Variants in XKR9 observed in about 807,000 individuals in gnomAD.
XKR9 encodes XK-related protein 9.
Under a neutral mutation model 32.0 loss-of-function variants are expected in XKR9, and 32 were observed. The observed-to-expected ratio is 1.00, with a 90% CI of 0.76 to 1.34. XKR9 has a LOEUF of 1.34. XKR9 is among the 40% of genes most tolerant of loss of function. XKR9 has a pLI of 0.00. For synonymous variants in XKR9, 168 were observed against 143.4 expected (o/e 1.17, Z -1.22); for missense variants, 546 against 429.7 (o/e 1.27, Z -2.39).
At chr8:70,910,447 A>G in the XKR9 span, among the ~76,000 whole-genome samples, 2 of 152,188 alleles carry the variant, frequency 1.3e-5, no homozygotes, top group Non-Finnish European at 2.9e-5. Flanking sequence ...AGATTCAATT[A>G]GGTTTTTAAG....
intron 2 of XKR9, among the ~76,000 whole-genome samples, chr8:70,778,680 A>G (rs983975348): frequency 6.6e-6 from 1 of 152,034 alleles, no homozygotes; most frequent in Non-Finnish European, 1.5e-5. Context: ...TGTAAGTTGG[A>G]TTCCTAGGTA....
intron 4 of XKR9, among the ~76,000 whole-genome samples, chr8:70,722,627 A>G (rs1806320129): frequency 6.6e-6 from 1 of 152,212 alleles, no homozygotes. Context: ...ATTGGCTCCC[A>G]CTGTGTTCTG....
At chr8:70,991,800 A>C in the XKR9 span, among the ~76,000 whole-genome samples, 2 of 152,208 alleles carry the variant, frequency 1.3e-5, no homozygotes, top group Admixed American at 1.3e-4. Context: ...CAAGTAATAT[A>C]CTATGAGGTT....
intron 4 of XKR9, among the ~76,000 whole-genome samples, chr8:70,710,421 C>G (rs1037063074): frequency 6.6e-6 from 1 of 152,128 alleles, no homozygotes; most frequent in Admixed American, 6.5e-5. Context: ...TGATTGCAGG[C>G]TGGGCACTGT....
At chr8:70,725,172 C>T (rs1403734106) in intron 4 of XKR9, among the ~76,000 whole-genome samples, 1 of 152,158 alleles carries the variant, frequency 6.6e-6, no homozygotes, top group Non-Finnish European at 1.5e-5. Flanking sequence ...AATTACCTCC[C>T]TCCGGGTCCC....
chr8:71,055,013 A>C, the XKR9 span, among the ~76,000 whole-genome samples: 1 of 152,194 alleles, frequency 6.6e-6, no homozygotes, highest in East Asian at 1.9e-4. Context: ...GAAGAAGATA[A>C]AATATTTTTT....
chr8:70,740,840 G>A (rs1292347482), downstream of XKR9, among the ~76,000 whole-genome samples: 1 of 152,218 alleles, frequency 6.6e-6, no homozygotes, highest in Non-Finnish European at 1.5e-5. Flanking sequence ...TTGTCTCAGA[G>A]GAGTACCTGG....
the XKR9 span, among the ~76,000 whole-genome samples, chr8:70,945,627 T>C: frequency 6.6e-6 from 1 of 152,206 alleles, no homozygotes; most frequent in Admixed American, 6.5e-5. Context: ...AACTCCATTC[T>C]AGCTTTTATG....
At chr8:70,953,774 C>T in the XKR9 span, among the ~76,000 whole-genome samples, 1 of 152,220 alleles carries the variant, frequency 6.6e-6, no homozygotes, top group Non-Finnish European at 1.5e-5. Flanking sequence ...TGACCTGGAT[C>T]CTGGTCCCCA....
At chr8:70,973,757 T>C in the XKR9 span, among the ~76,000 whole-genome samples, 3 of 152,198 alleles carry the variant, frequency 2.0e-5, no homozygotes, top group Non-Finnish European at 4.4e-5. Flanking sequence ...AATTTCCATG[T>C]ATTTGTATAG....
At chr8:70,870,498 T>C in the XKR9 span, among the ~76,000 whole-genome samples, 12 of 152,304 alleles carry the variant, frequency 7.9e-5, no homozygotes, top group African/African-American at 2.9e-4. Flanking sequence ...TTGCTTCTTG[T>C]TGTTGTGGTT....
At chr8:70,781,263 G>C (rs566413169) in intron 2 of XKR9, among the ~76,000 whole-genome samples, 22 of 151,808 alleles carry the variant, frequency 1.4e-4, no homozygotes, top group African/African-American at 5.1e-4. Flanking sequence ...ATTTTAAATT[G>C]GGTTATTTGT....
At chr8:70,888,419 T>C in the XKR9 span, among the ~76,000 whole-genome samples, 1 of 152,098 alleles carries the variant, frequency 6.6e-6, no homozygotes, top group Admixed American at 6.6e-5. Context: ...CTTCAGTCTG[T>C]TGATTGTTTT....
the XKR9 span, among the ~76,000 whole-genome samples, chr8:71,006,754 A>G: frequency 6.6e-6 from 1 of 152,180 alleles, no homozygotes; most frequent in East Asian, 1.9e-4. Flanking sequence ...TGATAAAAAA[A>G]CTGAAGCAGC....
At chr8:70,926,798 C>G in the XKR9 span, among the ~76,000 whole-genome samples, 1 of 152,136 alleles carries the variant, frequency 6.6e-6, no homozygotes, top group East Asian at 1.9e-4. Context: ...AAATTTAGGA[C>G]AGCAGCATGA....
downstream of XKR9, among the ~76,000 whole-genome samples, chr8:70,792,809 C>T (rs1807781117): frequency 6.6e-6 from 1 of 152,066 alleles, no homozygotes; most frequent in Non-Finnish European, 1.5e-5. Flanking sequence ...AAAAGACACC[C>T]CAGAAAGCTC....
At chr8:70,948,012 C>G in the XKR9 span, among the ~76,000 whole-genome samples, 2 of 152,080 alleles carry the variant, frequency 1.3e-5, no homozygotes, top group East Asian at 1.9e-4. Context: ...CAGATTTTGC[C>G]CCTGGCAAGA....
the XKR9 span, among the ~76,000 whole-genome samples, chr8:71,009,375 T>C: frequency 6.8e-6 from 1 of 147,404 alleles, no homozygotes; most frequent in Non-Finnish European, 1.5e-5. Context: ...AGTATTAGTG[T>C]ATTTTATGTG....
the XKR9 span, among the ~76,000 whole-genome samples, chr8:71,000,147 C>A: frequency 6.6e-6 from 1 of 152,164 alleles, no homozygotes; most frequent in African/African-American, 2.4e-5. Flanking sequence ...TGTCTATTGG[C>A]TCTAGATAGA....
Sources: allele counts gnomAD v4.1 joint callset (sites outside exome capture counted in the v4.1 genomes callset), GRCh38; gene constraint gnomAD v4.1.1; transcripts MANE v1.5; gene names NCBI Gene and HGNC (gene_info 2026-07-23, HGNC 2026-07-21).